ARHGAP12: variants seen among roughly 807,000 people sequenced by gnomAD.
ARHGAP12 encodes the protein rho GTPase-activating protein 12.
In ARHGAP12, 64 loss-of-function variants were observed where a neutral mutation model predicts 108.6. That is an observed-to-expected ratio of 0.59 (90% CI 0.48 to 0.73). ARHGAP12 has a LOEUF of 0.73. ARHGAP12 is among the 30% of genes least tolerant of loss of function. ARHGAP12 has a pLI of 0.00. For synonymous variants in ARHGAP12, 312 were observed against 337.2 expected, an observed-to-expected ratio of 0.93 and a Z score of 0.82; for missense variants, 940 against 1,005.9, an observed-to-expected ratio of 0.93 and a Z score of 0.89.
intron 4 of ARHGAP12, among the ~76,000 whole-genome samples, chr10:31,860,310 C>G (rs997638959): frequency 6.6e-6 from 1 of 152,196 alleles, no homozygotes; most frequent in Admixed American, 6.5e-5. Context: ...TACGAGCTAG[C>G]TGCTTTCTAT....
rs12268392 is a variant in ARHGAP12, at chr10:31,908,025, C to T, written c.684+147G>A. 1.4e-3 allele frequency: 1,018 copies of T among 717,934 alleles called. 15 individuals are homozygous for T. The African/African-American group carries it at 0.016, about 11-fold the overall frequency. The allele number at this position is 717,934 out of a possible 1,614,324, so 44.5% of individuals were successfully genotyped here. A position where few individuals can be genotyped will look rare whatever the true frequency, so the allele number is the denominator to read the frequency against. On this transcript the variant is annotated intron_variant, in intron 3 of 19. Transcript: ENST00000344936. ...CTCCACAAGTTATTTCACATATTTT[C>T]TAGATCTCTAAATCAGGATAGAACC...
At chr10:31,843,851 C>T (rs1471286327) in intron 6 of ARHGAP12, among the ~76,000 whole-genome samples, 1 of 152,086 alleles carries the variant, frequency 6.6e-6, no homozygotes, top group South Asian at 2.1e-4. Flanking sequence ...TAAGTTTTGT[C>T]AACTGTAAAG....
At chr10:31,923,730 C>T (rs1193825783) in intron 1 of ARHGAP12, among the ~76,000 whole-genome samples, 2 of 152,112 alleles carry the variant, frequency 1.3e-5, no homozygotes, top group African/African-American at 4.8e-5. Flanking sequence ...AAATTGATTT[C>T]CTAGAATCAA....
At chr10:31,857,297 C>T (rs1417774923) in intron 4 of ARHGAP12, among the ~76,000 whole-genome samples, 3 of 151,974 alleles carry the variant, frequency 2.0e-5, no homozygotes, top group Non-Finnish European at 2.9e-5. Context: ...GTAGTGATAT[C>T]GGGAAACTCC....
intron 4 of ARHGAP12, among the ~76,000 whole-genome samples, chr10:31,857,953 C>T (rs995230899): frequency 6.6e-6 from 1 of 152,196 alleles, no homozygotes; most frequent in African/African-American, 2.4e-5. Context: ...CCTGTAATCC[C>T]AGCACTTCAG....
chr10:31,917,134 C>G (rs1005238129), intron 1 of ARHGAP12, among the ~76,000 whole-genome samples: 7 of 151,688 alleles, frequency 4.6e-5, no homozygotes, highest in African/African-American at 1.5e-4. Context: ...CCAGGCCGGG[C>G]GCGATGGCTC....
chr10:31,871,096 C>T (rs1399349800), intron 3 of ARHGAP12, among the ~76,000 whole-genome samples: 1 of 152,114 alleles, frequency 6.6e-6, no homozygotes, highest in African/African-American at 2.4e-5. Context: ...GGAGGTGAGA[C>T]ACAGCATGCA....
chr10:31,828,614 G>T (rs1276828924), intron 10 of ARHGAP12, among the ~76,000 whole-genome samples: 1 of 151,908 alleles, frequency 6.6e-6, no homozygotes, highest in South Asian at 2.1e-4. Flanking sequence ...AACAAATATT[G>T]AATACATAAA....
chr10:31,887,203 G>A (rs945040889), intron 3 of ARHGAP12, among the ~76,000 whole-genome samples: 1 of 152,182 alleles, frequency 6.6e-6, no homozygotes, highest in Non-Finnish European at 1.5e-5. Flanking sequence ...TGAGTCCAAA[G>A]GTGGTCTGCT....
rs1834865262 is a variant in ARHGAP12 at position 31,807,635 on chromosome 10, C to A, written c.*23G>T. ...AATCTGATGGAATCCAGCTTCTATTCCACAGGTTGTCTTCAGTAAGAATCA... is the reference window on the plus strand; with the variant it reads ...AATCTGATGGAATCCAGCTTCTATTACACAGGTTGTCTTCAGTAAGAATCA... On this transcript the variant is annotated 3_prime_UTR_variant, in exon 20 of 20. Coordinates refer to ENST00000344936, the MANE Select transcript of ARHGAP12 (RefSeq NM_018287.7). 1 of 1,575,354 alleles carries A rather than the reference C, an allele frequency of 6.3e-7. No individual in the cohort carries two copies. Among genetic ancestry groups the A allele is most frequent in the Non-Finnish European group, 8.6e-7 (1 of 1,165,870 alleles).
intron 10 of ARHGAP12, among the ~76,000 whole-genome samples, chr10:31,830,845 A>T (rs7077128): frequency 0.2 from 30,761 of 152,192 alleles, 3,377 homozygotes; most frequent in East Asian, 0.47. Flanking sequence ...AAATAAAAAT[A>T]TCATTTTCTC....
chr10:31,893,895 C>T (rs1259399911), intron 3 of ARHGAP12, among the ~76,000 whole-genome samples: 2 of 152,164 alleles, frequency 1.3e-5, no homozygotes, highest in Non-Finnish European at 2.9e-5. Flanking sequence ...AAAGCTTATC[C>T]ACTACGATCA....
intron 1 of ARHGAP12, among the ~76,000 whole-genome samples, chr10:31,912,059 AT>A (rs1839370912): frequency 6.6e-6 from 1 of 152,202 alleles, no homozygotes; most frequent in African/African-American, 2.4e-5. Context: ...GTAAACAGGA[AT>A]TCTGACCTTT....
At chr10:31,928,357 G>A (rs1435990934) in intron 1 of ARHGAP12, among the ~76,000 whole-genome samples, 1 of 151,864 alleles carries the variant, frequency 6.6e-6, no homozygotes, top group African/African-American at 2.4e-5. Context: ...GGCGGGCGCT[G>A]CCCTCACACA....
At chr10:31,921,898 C>G (rs904715990) in intron 1 of ARHGAP12, among the ~76,000 whole-genome samples, 1 of 150,968 alleles carries the variant, frequency 6.6e-6, no homozygotes, top group Non-Finnish European at 1.5e-5. Context: ...TCTTTAAGAG[C>G]AGTAAAACTG....
chr10:31,888,336 T>C (rs543057362), intron 3 of ARHGAP12, among the ~76,000 whole-genome samples: 4 of 152,256 alleles, frequency 2.6e-5, no homozygotes, highest in Admixed American at 2.6e-4. Context: ...TGGCCATAAG[T>C]CTAAACATGT....
chr10:31,836,716 C>A (rs1592271683), intron 9 of ARHGAP12, among the ~76,000 whole-genome samples: 1 of 152,058 alleles, frequency 6.6e-6, no homozygotes, highest in East Asian at 1.9e-4. Context: ...CCTGTAGTAA[C>A]TGGGTACGAG....
intron 3 of ARHGAP12, among the ~76,000 whole-genome samples, chr10:31,875,640 T>A (rs1242787625): frequency 6.6e-6 from 1 of 152,230 alleles, no homozygotes; most frequent in African/African-American, 2.4e-5. Context: ...ACACTATTCA[T>A]TCCCAGCACT....
At chr10:31,847,014 C>T (rs1176524290) in intron 6 of ARHGAP12, among the ~76,000 whole-genome samples, 1 of 150,698 alleles carries the variant, frequency 6.6e-6, no homozygotes, top group East Asian at 2.0e-4. Context: ...ACCTCCATTC[C>T]ATTATTGAGC....
Sources: allele counts gnomAD v4.1 joint callset (sites outside exome capture counted in the v4.1 genomes callset), GRCh38; gene constraint gnomAD v4.1.1; transcripts MANE v1.5; gene names NCBI Gene and HGNC (gene_info 2026-07-23, HGNC 2026-07-21).